Variants in PAQR5 observed in about 807,000 individuals in gnomAD.
PAQR5 encodes membrane progestin receptor gamma.
PAQR5 carries 20 observed loss-of-function variants against 34.5 expected under a neutral mutation model. That is an observed-to-expected ratio of 0.58 (90% CI 0.41 to 0.84). The LOEUF is 0.84. PAQR5 is among the 40% of genes least tolerant of loss of function. PAQR5 has a pLI of 0.00. For synonymous variants in PAQR5, 131 were observed against 155.6 expected (o/e 0.84, Z 1.18); for missense variants, 378 against 412.7 (o/e 0.92, Z 0.73).
rs185998302 is a variant in PAQR5 at position 69,339,888 on chromosome 15, C to T, written c.-116+2387C>T. The stretch of plus-strand genomic sequence containing the variant: ...ACATTAACACCTTTTTTTTGGGGGA[C>T]GGAGTTTTGCTCTTGTTGCCCAGGC... On this transcript the variant is annotated intron_variant, in intron 2 of 8. Coordinates refer to ENST00000395407, the MANE Select transcript of PAQR5 (RefSeq NM_017705.4). Among the ~76,000 whole-genome samples, 418 of 151,668 alleles carry T rather than the reference C, an allele frequency of 2.8e-3. 2 individuals are homozygous for T. Among genetic ancestry groups the T allele is most frequent in the African/African-American group, 9.4e-3 (387 of 41,388 alleles).
At chr15:69,353,114 C>A (rs1330923781) in intron 2 of PAQR5, among the ~76,000 whole-genome samples, 1 of 152,164 alleles carries the variant, frequency 6.6e-6, no homozygotes, top group Admixed American at 6.5e-5. Context: ...CATTGACTTC[C>A]ACTCACTGAG....
chr15:69,352,236 C>A (rs1257944570), intron 2 of PAQR5, among the ~76,000 whole-genome samples: 1 of 152,218 alleles, frequency 6.6e-6, no homozygotes, highest in Non-Finnish European at 1.5e-5. Flanking sequence ...TTTTGGGAGG[C>A]AGCTCTTGGC....
At chr15:69,389,340 T>A (rs1343879558) in intron 5 of PAQR5, among the ~76,000 whole-genome samples, 1 of 152,220 alleles carries the variant, frequency 6.6e-6, no homozygotes, top group Non-Finnish European at 1.5e-5. Flanking sequence ...AACCTCTCTA[T>A]CCCTCTGCTT....
intron 1 of PAQR5, among the ~76,000 whole-genome samples, chr15:69,328,606 G>A (rs542603742): frequency 1.8e-4 from 27 of 152,114 alleles, no homozygotes; most frequent in African/African-American, 6.3e-4. Context: ...GGCCAGCCTG[G>A]AAAGACTCCC....
intron 6 of PAQR5, chr15:69,397,127 C>T (rs762838956): frequency 6.4e-6 from 3 of 470,662 alleles, no homozygotes; most frequent in South Asian, 3.1e-5. Context: ...TTCCCTGTCC[C>T]TGTAGCAACT....
rs2055608592 is a variant in PAQR5 at position 69,373,133 on chromosome 15, CTCT to C, written c.52-6743_52-6741del. ...TCCATAGTCACTTTTTCCTCTGAGT[CTCT>C]TCTTCTGCCTCCATCTTCCATTTTT... On this transcript the variant is annotated intron_variant, in intron 3 of 8. Coordinates refer to ENST00000395407, the MANE Select transcript of PAQR5 (RefSeq NM_017705.4). Among the ~76,000 whole-genome samples, 4 of 152,114 alleles carry C rather than the reference CTCT, an allele frequency of 2.6e-5. 1 individual carries two copies. Among genetic ancestry groups the C allele is most frequent in the Admixed American group, 2.6e-4 (4 of 15,270 alleles).
chr15:69,385,527 G>A lies in PAQR5; in HGVS notation c.385+645G>A, dbSNP rs1199819043. ...AAGCTGGTGAAATTCGGTGCTGACC[G>A]CCCCCTCTTCCTTGTCTTTTTCTTT... On this transcript the variant is annotated intron_variant, in intron 5 of 8. Transcript: ENST00000395407. The surrounding 1 kb of genome is among the most constrained non-coding windows in gnomAD (Gnocchi z 4.7). Among the ~76,000 whole-genome samples the A allele has an allele frequency of 2.6e-5, 4 of 152,156 alleles. No individual in the cohort carries two copies. The highest frequency in any genetic ancestry group is 9.6e-5 in the African/African-American group (4 of 41,478).
intron 5 of PAQR5, among the ~76,000 whole-genome samples, chr15:69,388,939 G>A (rs1459501390): frequency 6.6e-6 from 1 of 152,178 alleles, no homozygotes; most frequent in Non-Finnish European, 1.5e-5. Flanking sequence ...AGCACACCTG[G>A]CCCCTTTGAA....
Position 69,404,089 on chromosome 15 carries a change from T to C in PAQR5, c.*267T>C, listed in dbSNP as rs1333146809. 4 of 382,328 alleles carry C rather than the reference T, an allele frequency of 1.0e-5. No individual in the cohort carries two copies. The highest frequency in any genetic ancestry group is 8.3e-5 in the African/African-American group (4 of 48,434). The allele number at this position is 382,328 out of a possible 1,614,324, so 23.7% of individuals were successfully genotyped here. ...ATTGATATTTCATTAATTTTAAATT[T>C]ACTTAAAATGTGGTTTTAAATTCTA... On this transcript the variant is annotated 3_prime_UTR_variant, in exon 9 of 9. Coordinates refer to ENST00000395407, the MANE Select transcript of PAQR5 (RefSeq NM_017705.4).
intron 2 of PAQR5, among the ~76,000 whole-genome samples, chr15:69,351,079 C>T (rs2054905756): frequency 6.6e-6 from 1 of 152,192 alleles, no homozygotes; most frequent in South Asian, 2.1e-4. Flanking sequence ...AATAGACATA[C>T]TTAGAGGCTG....
At chr15:69,342,718 G>A (rs1205377382) in intron 2 of PAQR5, among the ~76,000 whole-genome samples, 1 of 152,186 alleles carries the variant, frequency 6.6e-6, no homozygotes, top group East Asian at 1.9e-4. Context: ...GCTCTGTGCT[G>A]TTTTCTGTTC....
At chr15:69,350,288 A>G (rs2054881974) in intron 2 of PAQR5, among the ~76,000 whole-genome samples, 1 of 152,198 alleles carries the variant, frequency 6.6e-6, no homozygotes, top group Non-Finnish European at 1.5e-5. Context: ...GTCTACTACG[A>G]TCTTACTTGA....
chr15:69,355,344 TTTTCTTTCTTTCTTTC>T (rs202183150), intron 2 of PAQR5, among the ~76,000 whole-genome samples: 673 of 56,140 alleles, frequency 0.012, 3 homozygotes, highest in African/African-American at 0.023. Context: ...TTCTTTCTTT[TTTTCTTTCTTTCTTTC>T]TTTCTTTCTT....
At chr15:69,400,735 G>A (rs1389752829) in intron 8 of PAQR5, among the ~76,000 whole-genome samples, 2 of 152,126 alleles carry the variant, frequency 1.3e-5, no homozygotes, top group African/African-American at 2.4e-5. Flanking sequence ...GGATGAAGAT[G>A]GCTCTGAGGG....
intron 1 of PAQR5, among the ~76,000 whole-genome samples, chr15:69,320,571 G>T (rs917665038): frequency 6.6e-6 from 1 of 151,956 alleles, no homozygotes; most frequent in Admixed American, 6.6e-5. Flanking sequence ...TTACAAAAAG[G>T]TATTTAAAAA....
rs756926537 is a variant in PAQR5 at position 69,322,654 on chromosome 15, C to CA, written c.-276-14668dup. On this transcript the variant is annotated intron_variant, in intron 1 of 8. Coordinates refer to ENST00000395407, the MANE Select transcript of PAQR5 (RefSeq NM_017705.4). The stretch of plus-strand genomic sequence containing the variant: ...TGGGTGACAGAGTGAGACCCTGTCT[C>CA]AAAAAAAAAAAAAAAAAAAGAAGAA... 1.3e-3 allele frequency among the ~76,000 whole-genome samples: 31 copies of CA among 23,612 alleles called. 3 individuals are homozygous for CA. The highest frequency in any genetic ancestry group is 4.6e-3 in the African/African-American group (27 of 5,862). 15.5% of individuals were successfully genotyped at this position (23,612 alleles called of 152,430 possible).
intron 2 of PAQR5, among the ~76,000 whole-genome samples, chr15:69,344,375 C>A (rs1338163534): frequency 1.3e-5 from 2 of 152,194 alleles, no homozygotes; most frequent in African/African-American, 4.8e-5. Context: ...TAATTCCACT[C>A]ATTTCTCCAA....
chr15:69,397,742 C>T (rs1047763263), intron 7 of PAQR5, 178 bp downstream of exon 7: 43 of 615,370 alleles, frequency 7.0e-5, no homozygotes, highest in Admixed American at 2.0e-4. Context: ...TCAGGTGGGA[C>T]GAGAGACTGA....
intron 2 of PAQR5, among the ~76,000 whole-genome samples, chr15:69,347,463 C>T (rs939030467): frequency 6.6e-6 from 1 of 152,208 alleles, no homozygotes. Flanking sequence ...AGGAAACTTA[C>T]ACCCCATATT....
Sources: allele counts gnomAD v4.1 joint callset (sites outside exome capture counted in the v4.1 genomes callset), GRCh38; gene constraint gnomAD v4.1.1; non-coding constraint Gnocchi (gnomAD v3.1); transcripts MANE v1.5; gene names NCBI Gene and HGNC (gene_info 2026-07-23, HGNC 2026-07-21).